SLC6A13: variants seen among roughly 807,000 people sequenced by gnomAD.
The protein encoded by SLC6A13 is solute carrier family 6 member 13.
A neutral mutation model predicts 72.9 loss-of-function variants in SLC6A13; 69 were observed. The ratio of observed to expected loss-of-function variants is 0.95; its 90% confidence interval spans 0.78 to 1.16. The LOEUF (loss-of-function observed/expected upper bound fraction) is 1.16, where lower values mean the gene tolerates loss of function less well. Among genes scored for constraint, SLC6A13 ranks in the 50% most tolerant of loss-of-function variants. The probability of loss-of-function intolerance (pLI) is 0.00; values close to 1 mark genes in which losing one functional copy is unlikely to be tolerated. For missense variants in SLC6A13, 735 were observed against 760.5 expected (o/e 0.97, Z 0.39); for synonymous variants, 303 against 303.0 (o/e 1.00, Z 0.00).
At chr12:222,659 G>C (rs1244475438) in intron 12 of SLC6A13, 27 bp from the exon 13 acceptor site, 1 of 1,481,646 alleles carries the variant, frequency 6.7e-7, no homozygotes, top group African/African-American at 1.4e-5. Flanking sequence ...AAGAAGGAAG[G>C]AGGAGAAAGT....
chr12:236,674 A>G (rs577493863), intron 6 of SLC6A13, among the ~76,000 whole-genome samples: 32 of 152,344 alleles, frequency 2.1e-4, no homozygotes, highest in African/African-American at 7.5e-4. Flanking sequence ...CTCTGTCCTC[A>G]TGGAGCTTAC....
intron 12 of SLC6A13, 48 bp downstream of exon 12, chr12:223,084 C>A: frequency 8.5e-7 from 1 of 1,181,526 alleles, no homozygotes; most frequent in Admixed American, 1.7e-5. Flanking sequence ...GACCCCAAGA[C>A]CCTTAGACAA....
chr12:259,839 C>T lies in SLC6A13; in HGVS notation c.202+12G>A. 6.2e-7 allele frequency: 1 copy of T among 1,612,328 alleles called. No homozygotes were observed. The highest frequency in any genetic ancestry group is 8.5e-7 in the Non-Finnish European group (1 of 1,178,390). ...AGGAGTGGGTGGGGTGGCACAAGGG[C>T]TCTCATCTCACCTCCCCCATTTTTG... On this transcript the variant is annotated intron_variant, in intron 2 of 14. Transcript: ENST00000343164.
rs191981425 is a variant in SLC6A13, at chr12:245,091, C to T, written c.203-1278G>A. ...ACAGACAGGAGAATCTGCAGAGGGT[C>T]CCCCTCAAGCTTCCAACTGAGTACT... On this transcript the variant is annotated intron_variant, in intron 2 of 14. Transcript: ENST00000343164. Among the ~76,000 whole-genome samples the T allele has an allele frequency of 7.7e-4, 118 of 152,298 alleles. 1 individual carries two copies. The highest frequency in any genetic ancestry group is 1.0e-3 in the South Asian group (5 of 4,828).
rs919786153 is a variant in SLC6A13, at chr12:237,919, C to G, written c.563+7G>C. 27 of 1,608,826 alleles carry G rather than the reference C, an allele frequency of 1.7e-5. No homozygotes were observed. The highest frequency in any genetic ancestry group is 3.3e-5 in the South Asian group (3 of 90,976). On this transcript the variant is annotated splice_region_variant and intron_variant, in intron 5 of 14. Coordinates refer to ENST00000343164, the MANE Select transcript of SLC6A13 (RefSeq NM_016615.5). The stretch of plus-strand genomic sequence containing the variant: ...GCCCACAGTGGGTGGGGAAGGGTCT[C>G]ACTTACTCCCAGAACTCGATGACAG...
chr12:237,024 G>A (rs1194568919), intron 6 of SLC6A13, 134 bp downstream of exon 6: 5 of 933,240 alleles, frequency 5.4e-6, no homozygotes, highest in Non-Finnish European at 8.2e-6. Context: ...TCAAGGAAGG[G>A]AGCCACATCA....
At chr12:243,885 T>C in intron 2 of SLC6A13, 72 bp from the exon 3 acceptor site, 1 of 1,417,056 alleles carries the variant, frequency 7.1e-7, no homozygotes, top group Non-Finnish European at 9.7e-7. Flanking sequence ...CTCCTCCCAT[T>C]ACCAACCCAT....
chr12:226,592 A>C, intron 8 of SLC6A13, 78 bp from the exon 9 acceptor site: 1 of 1,512,924 alleles, frequency 6.6e-7, no homozygotes, highest in Non-Finnish European at 8.9e-7. Flanking sequence ...CCTGTCTGGG[A>C]GCACAGCCCC....
At chr12:242,552 C>G in intron 4 of SLC6A13, 62 bp downstream of exon 4, 3 of 1,517,862 alleles carry the variant, frequency 2.0e-6, no homozygotes, top group Non-Finnish European at 2.7e-6. Context: ...TAGTGACAAG[C>G]CCAATTCCGG....
intron 7 of SLC6A13, among the ~76,000 whole-genome samples, chr12:227,953 G>C (rs1245477558): frequency 6.6e-6 from 1 of 152,146 alleles, no homozygotes; most frequent in African/African-American, 2.4e-5. Context: ...AGGAGGGTGG[G>C]ACAGGGCTCT....
At chr12:256,538 C>G (rs566849004) in intron 2 of SLC6A13, 1 of 152,334 alleles carries the variant, frequency 6.6e-6, no homozygotes, top group African/African-American at 2.4e-5. Context: ...TTCTCAGCTT[C>G]CCTGCCTTTT....
At chr12:250,381 T>C (rs1319889162) in intron 2 of SLC6A13, among the ~76,000 whole-genome samples, 2 of 149,956 alleles carry the variant, frequency 1.3e-5, no homozygotes, top group African/African-American at 5.0e-5. Flanking sequence ...TATTCTACAA[T>C]GAAAATCCTT....
At chr12:249,769 CCT>C (rs1942472595) in intron 2 of SLC6A13, among the ~76,000 whole-genome samples, 1 of 151,576 alleles carries the variant, frequency 6.6e-6, no homozygotes, top group Non-Finnish European at 1.5e-5. Flanking sequence ...TGAGCATTAC[CCT>C]GATAATAAAA....
At chr12:223,915 G>T in intron 11 of SLC6A13, 77 bp downstream of exon 11, 4 of 1,532,616 alleles carry the variant, frequency 2.6e-6, no homozygotes, top group Admixed American at 1.7e-5. Context: ...GGGAGCCAGG[G>T]TATCTGCCTC....
At chr12:229,228 A>T (rs947465068) in intron 7 of SLC6A13, among the ~76,000 whole-genome samples, 1 of 152,196 alleles carries the variant, frequency 6.6e-6, no homozygotes. Context: ...GGAATGAAGG[A>T]CAGACCCTGG....
chr12:222,153 A>G (rs1224751666), intron 13 of SLC6A13, among the ~76,000 whole-genome samples: 2 of 152,186 alleles, frequency 1.3e-5, no homozygotes, highest in African/African-American at 4.8e-5. Context: ...TAAATGACTT[A>G]ATACGAGTTA....
At chr12:246,692 T>C (rs1088324) in intron 2 of SLC6A13, among the ~76,000 whole-genome samples, 41,626 of 151,988 alleles carry the variant, frequency 0.27, 5,921 homozygotes, top group East Asian at 0.46. Flanking sequence ...AGAAACTATC[T>C]AAAATAAAAC....
chr12:228,179 G>A (rs1044475830), intron 7 of SLC6A13, among the ~76,000 whole-genome samples: 3 of 152,042 alleles, frequency 2.0e-5, no homozygotes, highest in African/African-American at 4.8e-5. Flanking sequence ...GCAAAAGGAC[G>A]AACAGAAACA....
chr12:258,731 C>T (rs914700132), intron 2 of SLC6A13, among the ~76,000 whole-genome samples: 8 of 152,174 alleles, frequency 5.3e-5, no homozygotes, highest in African/African-American at 1.7e-4. Flanking sequence ...AAATTTCTGT[C>T]ACTGCTGTGG....
Sources: gnomAD v4.1 joint callset for allele counts (sites outside exome capture counted in the v4.1 genomes callset) on GRCh38, gnomAD v4.1.1 for gene constraint, MANE v1.5 for transcripts, NCBI Gene and HGNC (gene_info 2026-07-23, HGNC 2026-07-21) for gene names.